SEMA5A: variants seen among roughly 807,000 people sequenced by gnomAD.
SEMA5A encodes the protein semaphorin-5A.
In SEMA5A, 55 loss-of-function variants were observed where a neutral mutation model predicts 135.5. The observed-to-expected ratio is 0.41, with a 90% confidence interval of 0.33 to 0.51. The LOEUF (loss-of-function observed/expected upper bound fraction) is 0.51, where lower values mean the gene tolerates loss of function less well. Among genes scored for constraint, SEMA5A ranks in the 20% least tolerant of loss-of-function variants. The pLI, the probability that SEMA5A is intolerant of heterozygous loss-of-function variation, is 0.37. For missense variants in SEMA5A, 1,290 were observed against 1,419.9 expected (o/e 0.91, Z 1.47); for synonymous variants, 580 against 546.5 (o/e 1.06, Z -0.85).
At chr5:9,156,633 T>C (rs918684463) in intron 11 of SEMA5A, among the ~76,000 whole-genome samples, 1 of 152,096 alleles carries the variant, frequency 6.6e-6, no homozygotes, top group East Asian at 1.9e-4. Context: ...AGTTCAGGGG[T>C]GGGTGGCCTG....
chr5:9,360,549 G>A (rs1754647015), intron 3 of SEMA5A, among the ~76,000 whole-genome samples: 1 of 152,136 alleles, frequency 6.6e-6, no homozygotes, highest in Admixed American at 6.5e-5. Context: ...CAAAAGAAAT[G>A]AAGCTTTAGT....
intron 16 of SEMA5A, among the ~76,000 whole-genome samples, chr5:9,104,404 A>G (rs531949091): frequency 6.6e-6 from 1 of 152,328 alleles, no homozygotes; most frequent in African/African-American, 2.4e-5. Flanking sequence ...ACTTAATTTC[A>G]ATATTTAATT....
rs916083854 is a variant in SEMA5A, at chr5:9,455,927, C to A, written c.-174-18075G>T. Among the ~76,000 whole-genome samples the A allele has an allele frequency of 7.2e-5, 11 of 152,252 alleles. No individual in the cohort carries two copies. The East Asian group carries it at 1.4e-3, about 19-fold the overall frequency. On this transcript the variant is annotated intron_variant, in intron 1 of 22. Coordinates refer to ENST00000382496, the MANE Select transcript of SEMA5A (RefSeq NM_003966.3). Reference sequence around the variant, plus strand: ...AGAAGACCCTTCTTCTTCGGGGAAGCAGGAGTGAGTCAGCAGGGGACACAT... The same window carrying A: ...AGAAGACCCTTCTTCTTCGGGGAAGAAGGAGTGAGTCAGCAGGGGACACAT...
In SEMA5A at chr5:9,353,386, A is replaced by AGGAAAGGAAG. The variant is rs1561178037; in HGVS notation, c.125-15584_125-15575dup. Among the ~76,000 whole-genome samples, 62 of 142,370 alleles carry AGGAAAGGAAG rather than the reference A, an allele frequency of 4.4e-4. 2 individuals are homozygous for AGGAAAGGAAG. Among genetic ancestry groups the AGGAAAGGAAG allele is most frequent in the African/African-American group, 1.6e-3 (59 of 36,100 alleles). The allele number at this position is 142,370 out of a possible 152,430, so 93.4% of individuals were successfully genotyped here. A position where few individuals can be genotyped will look rare whatever the true frequency, so the allele number is the denominator to read the frequency against. On this transcript the variant is annotated intron_variant, in intron 3 of 22. Transcript: ENST00000382496. ...AGGAAAGGAAAGGAAAGGAAAGGAA[A>AGGAAAGGAAG]GGAAAGGAAGGGAAAGAAAGGAAGG...
intron 5 of SEMA5A, among the ~76,000 whole-genome samples, chr5:9,316,869 G>C (rs1277964947): frequency 6.6e-6 from 1 of 152,074 alleles, no homozygotes; most frequent in Non-Finnish European, 1.5e-5. Flanking sequence ...AGTAGTTATA[G>C]TCACCATGTC....
intron 3 of SEMA5A, among the ~76,000 whole-genome samples, chr5:9,345,277 T>C (rs779291994): frequency 9.9e-5 from 15 of 152,226 alleles, no homozygotes; most frequent in Non-Finnish European, 1.5e-4. Context: ...TTGTTCTATA[T>C]TATCCTTCAA....
In SEMA5A at chr5:9,437,750, A is replaced by C. The variant is rs1319332495; in HGVS notation, c.-78+6T>G. 1 of 152,336 alleles carries C rather than the reference A, an allele frequency of 6.6e-6. No homozygotes were observed. Among genetic ancestry groups the C allele is most frequent in the East Asian group, 1.9e-4 (1 of 5,190 alleles). The allele number at this position is 152,336 out of a possible 1,614,324, so 9.4% of individuals were successfully genotyped here. On this transcript the variant is annotated splice_donor_region_variant and intron_variant, in intron 2 of 22. Transcript: ENST00000382496. ...TCTTCACTTCCCATTTAGATGTCTC[A>C]CTTACCAAGGAGAGAGAGGATGGAG...
At chr5:9,393,367 C>A (rs17322397) in intron 2 of SEMA5A, among the ~76,000 whole-genome samples, 4,241 of 152,230 alleles carry the variant, frequency 0.028, 73 homozygotes, top group Middle Eastern at 0.092. Flanking sequence ...AGAGTGAGAA[C>A]CATCTACGGT....
At position 9,340,547 on chromosome 5, in the gene SEMA5A, G is replaced by A. The variant is rs147876474; in HGVS notation, c.125-2735C>T. The stretch of plus-strand genomic sequence containing the variant: ...GGTTTTGGTCCCTATACTGAACAAC[G>A]GGAAGGCAGTTTTGCTACTTCCTAA... On this transcript the variant is annotated intron_variant, in intron 3 of 22. Coordinates refer to ENST00000382496, the MANE Select transcript of SEMA5A (RefSeq NM_003966.3). 1.1e-4 allele frequency among the ~76,000 whole-genome samples: 16 copies of A among 152,238 alleles called. 1 individual carries two copies. The highest frequency in any genetic ancestry group is 7.7e-4 in the East Asian group (4 of 5,186).
intron 3 of SEMA5A, among the ~76,000 whole-genome samples, chr5:9,354,630 G>A (rs1032808744): frequency 2.0e-5 from 3 of 152,258 alleles, no homozygotes; most frequent in East Asian, 3.9e-4. Context: ...CACTACAGAC[G>A]CTGCAGGAAA....
At chr5:9,434,823 A>G (rs1757974804) in intron 2 of SEMA5A, among the ~76,000 whole-genome samples, 1 of 152,214 alleles carries the variant, frequency 6.6e-6, no homozygotes, top group Non-Finnish European at 1.5e-5. Context: ...GCATGTCTCC[A>G]AAACTTCTGC....
intron 5 of SEMA5A, among the ~76,000 whole-genome samples, chr5:9,274,601 T>C (rs1750157588): frequency 6.6e-6 from 1 of 152,108 alleles, no homozygotes; most frequent in Non-Finnish European, 1.5e-5. Flanking sequence ...CCTCAGCAAA[T>C]GCAAAAGAAT....
chr5:9,224,609 G>T, intron 8 of SEMA5A, 65 bp downstream of exon 8: 1 of 1,470,888 alleles, frequency 6.8e-7, no homozygotes, highest in Non-Finnish European at 9.5e-7. Context: ...GTTTGCTTTT[G>T]AGCACCAAAT....
intron 11 of SEMA5A, among the ~76,000 whole-genome samples, chr5:9,173,560 C>G (rs947958665): frequency 6.6e-6 from 1 of 152,114 alleles, no homozygotes; most frequent in African/African-American, 2.4e-5. Context: ...TGAGGGATCT[C>G]TTTGGGATCT....
chr5:9,206,279 T>C (rs1746010310), intron 8 of SEMA5A, among the ~76,000 whole-genome samples: 1 of 152,222 alleles, frequency 6.6e-6, no homozygotes, highest in South Asian at 2.1e-4. Context: ...CTGTTTTTTC[T>C]AATGTTTGTA....
intron 1 of SEMA5A, chr5:9,516,795 C>T (rs956790249): frequency 1.3e-5 from 2 of 152,194 alleles, no homozygotes; most frequent in Admixed American, 6.5e-5. Context: ...CATCCTGGAG[C>T]CACATGGGGG....
At chr5:9,247,013 G>A (rs1412229486) in intron 5 of SEMA5A, among the ~76,000 whole-genome samples, 1 of 152,154 alleles carries the variant, frequency 6.6e-6, no homozygotes, top group Non-Finnish European at 1.5e-5. Flanking sequence ...GGGTTCAAAA[G>A]GGACTGCATG....
At chr5:9,072,100 A>G (rs1383047454) in intron 16 of SEMA5A, among the ~76,000 whole-genome samples, 16 of 152,240 alleles carry the variant, frequency 1.1e-4, no homozygotes, top group Admixed American at 1.0e-3. Context: ...AATATGGAGT[A>G]AGAGAAACTG....
intron 5 of SEMA5A, chr5:9,265,538 C>T (rs572303549): frequency 2.6e-4 from 120 of 456,408 alleles, no homozygotes; most frequent in Non-Finnish European, 5.0e-4. Flanking sequence ...CCTCCTGCTC[C>T]AGGCTGTGAG....
Sources: allele counts gnomAD v4.1 joint callset (sites outside exome capture counted in the v4.1 genomes callset), GRCh38; gene constraint gnomAD v4.1.1; transcripts MANE v1.5; gene names NCBI Gene and HGNC (gene_info 2026-07-23, HGNC 2026-07-21).